Variants in RTF2 observed in about 807,000 individuals in gnomAD.
The protein encoded by RTF2 is UPF0549 protein C20orf43.
Under a neutral mutation model 38.0 loss-of-function variants are expected in RTF2, and 18 were observed. That is an observed-to-expected ratio of 0.47 (90% confidence interval 0.33 to 0.70). The LOEUF (loss-of-function observed/expected upper bound fraction) is 0.70. Ranked by LOEUF, RTF2 falls within the 30% of genes least tolerant of loss-of-function variation. The pLI, the probability that RTF2 is intolerant of heterozygous loss-of-function variation, is 0.02. For missense variants in RTF2, 311 were observed against 379.6 expected (o/e 0.82, Z 1.50); for synonymous variants, 126 against 137.1 (o/e 0.92, Z 0.57).
chr20:56,508,632 C>A (rs552455541), intron 5 of RTF2, among the ~76,000 whole-genome samples: 47 of 152,232 alleles, frequency 3.1e-4, no homozygotes, highest in South Asian at 1.2e-3. Flanking sequence ...AGTCATGTTA[C>A]CTACACTAAT....
At chr20:56,485,913 T>C (rs935401887) in intron 5 of RTF2, among the ~76,000 whole-genome samples, 9 of 152,184 alleles carry the variant, frequency 5.9e-5, no homozygotes, top group Middle Eastern at 6.3e-3. Flanking sequence ...GGTAAAGATA[T>C]TGGCACTAAG....
At chr20:56,478,372 A>G (rs952273629) in intron 4 of RTF2, among the ~76,000 whole-genome samples, 1 of 152,028 alleles carries the variant, frequency 6.6e-6, no homozygotes, top group Non-Finnish European at 1.5e-5. Flanking sequence ...GCATGTACCT[A>G]TAGACCTCGC....
rs1315385561 is a variant in RTF2, at chr20:56,468,896, AG to A, written c.69+132del. On this transcript the variant is annotated intron_variant, in intron 1 of 8. Transcript: ENST00000357348. ...GGCTGCGGTCTTTTATTCCATTCAG[AG>A]GACTCAAAATTAACAACAGTATTAA... 4 of 697,352 alleles carry A rather than the reference AG, an allele frequency of 5.7e-6. No individual in the cohort carries two copies. In the East Asian group the frequency reaches 1.1e-4, roughly 19 times the overall value. 43.2% of individuals were successfully genotyped at this position (697,352 alleles called of 1,614,324 possible).
At chr20:56,503,453 C>A (rs531562644) in intron 5 of RTF2, among the ~76,000 whole-genome samples, 1 of 152,248 alleles carries the variant, frequency 6.6e-6, no homozygotes, top group East Asian at 1.9e-4. Flanking sequence ...GAATCTGCCT[C>A]TCATGTGAGG....
At chr20:56,490,011 G>A (rs1983021290) in intron 5 of RTF2, among the ~76,000 whole-genome samples, 1 of 152,156 alleles carries the variant, frequency 6.6e-6, no homozygotes, top group Non-Finnish European at 1.5e-5. Context: ...TTCCATATGT[G>A]CTTTCCTTGG....
At chr20:56,474,373 C>A (rs570433271) in intron 2 of RTF2, among the ~76,000 whole-genome samples, 1 of 151,992 alleles carries the variant, frequency 6.6e-6, no homozygotes, top group East Asian at 1.9e-4. Context: ...CCCAGCTGCT[C>A]GGGAGGCTGA....
chr20:56,499,918 T>G (rs1305111372), intron 5 of RTF2, among the ~76,000 whole-genome samples: 1 of 151,916 alleles, frequency 6.6e-6, no homozygotes, highest in Non-Finnish European at 1.5e-5. Context: ...GTATTTTTAG[T>G]AGAGATGGGA....
chr20:56,509,967 C>T (rs1317800190), intron 5 of RTF2, among the ~76,000 whole-genome samples: 1 of 150,962 alleles, frequency 6.6e-6, no homozygotes, highest in East Asian at 2.0e-4. Flanking sequence ...ATCTTTAAAA[C>T]ATTATGCTAA....
rs750257834 is a variant in RTF2, at chr20:56,473,369, AC to A, written c.140del (p.Pro47GlnfsTer2). The A allele has an allele frequency of 2.5e-6, 4 of 1,613,336 alleles. No homozygotes were observed. The highest frequency in any genetic ancestry group is 3.4e-6 in the Non-Finnish European group (4 of 1,179,328). On this transcript the variant is annotated frameshift_variant, in exon 2 of 9. Transcript: ENST00000357348. LOFTEE classifies it high-confidence loss of function. ...CTLSQEILRR[P>X]IVACELGRLY... ...CTCTAAGTCAGGAAATATTAAGACG[AC>A]CAATAGTTGCCTGTGAACTTGGCAG...
chr20:56,488,011 T>C (rs1982883781), intron 5 of RTF2, among the ~76,000 whole-genome samples: 1 of 152,192 alleles, frequency 6.6e-6, no homozygotes, highest in Non-Finnish European at 1.5e-5. Flanking sequence ...CTTCAACATA[T>C]GGATTTTGCA....
At chr20:56,496,574 A>G in intron 5 of RTF2, 1 of 1,431,210 alleles carries the variant, frequency 7.0e-7, no homozygotes, top group Non-Finnish European at 9.2e-7. Context: ...TCAATCAATC[A>G]ATCAATCTAT....
intron 5 of RTF2, among the ~76,000 whole-genome samples, chr20:56,490,915 GA>G (rs1396932099): frequency 2.0e-5 from 3 of 152,090 alleles, no homozygotes; most frequent in Admixed American, 2.0e-4. Flanking sequence ...CAATGCCCAG[GA>G]GCCCCTGTGG....
rs376179037 is a variant in RTF2, at chr20:56,512,883, C to T, written c.478-432C>T. On this transcript the variant is annotated intron_variant, in intron 5 of 8. Transcript: ENST00000357348. ...CGTGTGATGTTTTTGCCCAGGGAAG[C>T]AAATGAGAGACTCAGTACCCAGAGT... Among the ~76,000 whole-genome samples the T allele has an allele frequency of 8.5e-5, 13 of 152,256 alleles. No homozygotes were observed. The East Asian group carries it at 1.9e-3, about 23-fold the overall frequency.
At chr20:56,499,266 G>A (rs1172275896) in intron 5 of RTF2, among the ~76,000 whole-genome samples, 1 of 146,460 alleles carries the variant, frequency 6.8e-6, no homozygotes, top group African/African-American at 2.6e-5. Context: ...GTGCGATCTC[G>A]GCTCACCACA....
Position 56,500,353 on chromosome 20 carries a change from T to C in RTF2, c.478-12962T>C, listed in dbSNP as rs1215172207. ...ACAGGCGTGAGCCACCTCGCCCAGC[T>C]AGTTTGTTGTTTTTAAGATAACTTG... On this transcript the variant is annotated intron_variant, in intron 5 of 8. Transcript: ENST00000357348. Among the ~76,000 whole-genome samples, 4 of 152,166 alleles carry C rather than the reference T, an allele frequency of 2.6e-5. No individual in the cohort carries two copies. In the East Asian group the frequency reaches 7.7e-4, roughly 29 times the overall value.
chr20:56,494,534 C>T (rs1323624990), intron 5 of RTF2, among the ~76,000 whole-genome samples: 1 of 152,110 alleles, frequency 6.6e-6, no homozygotes, highest in Non-Finnish European at 1.5e-5. Context: ...AAGGGCAGAG[C>T]TCTTGTTAAC....
chr20:56,490,358 A>T (rs1221622334), intron 5 of RTF2, among the ~76,000 whole-genome samples: 8 of 152,152 alleles, frequency 5.3e-5, no homozygotes, highest in Non-Finnish European at 1.2e-4. Flanking sequence ...TCTTTTAGAG[A>T]AGGAGGATAT....
chr20:56,518,174 C>T lies in RTF2; in HGVS notation c.830C>T (p.Ala277Val), dbSNP rs751574710. The T allele has an allele frequency of 9.3e-6, 15 of 1,614,144 alleles. No homozygotes were observed. Among genetic ancestry groups the T allele is most frequent in the Non-Finnish European group, 1.3e-5 (15 of 1,180,000 alleles). ...ATCGCTGACAGTGAAGAATCGGAGG[C>T]CTACAAGTCCCTCTTTACCACTCAC... ...RSIADSEESE[A>V]YKSLFTTHSS... is the part of the protein sequence containing the mutation. The change falls in exon 9 of 9, where the codon GCC (alanine) becomes GTC (valine). Residue 277 changes from alanine to valine, a missense_variant. By Grantham distance (64) the Ala-to-Val change is moderately conservative. Coordinates refer to ENST00000357348, the MANE Select transcript of RTF2 (RefSeq NM_016407.5).
At position 56,473,342 on chromosome 20, in the gene RTF2, T is replaced by G. The variant is rs1982068138; in HGVS notation, c.111T>G (p.Cys37Trp). Residue 37 changes from cysteine to tryptophan, a missense_variant, in exon 2 of 9, where the codon TGT (cysteine) becomes TGG (tryptophan). Physicochemically the swap from Cys to Trp is radical, Grantham distance 215. Transcript: ENST00000357348. ...DAELVAQWNY[C>W]TLSQEILRRP... ...AATTAGTGGCCCAATGGAACTATTG[T>G]ACTCTAAGTCAGGAAATATTAAGAC... 7 of 1,614,014 alleles carry G rather than the reference T, an allele frequency of 4.3e-6. No homozygotes were observed. Among genetic ancestry groups the G allele is most frequent in the Non-Finnish European group, 5.9e-6 (7 of 1,179,888 alleles).
Sources: gnomAD v4.1 joint callset for allele counts (sites outside exome capture counted in the v4.1 genomes callset) on GRCh38, gnomAD v4.1.1 for gene constraint, MANE v1.5 for transcripts, NCBI Gene and HGNC (gene_info 2026-07-23, HGNC 2026-07-21) for gene names.